The following NEK10 variants were observed in gnomAD, a reference collection of about 807,000 sequenced individuals.
NEK10 encodes the protein NIMA related kinase 10, also known as serine/threonine-protein kinase Nek10.
Under a neutral mutation model 159.8 loss-of-function variants are expected in NEK10, and 122 were observed. The observed-to-expected ratio is 0.76, with a 90% CI of 0.66 to 0.89. NEK10 has a LOEUF of 0.89. NEK10 is among the 40% of genes least tolerant of loss of function. The pLI, the probability that NEK10 is intolerant of heterozygous loss-of-function variation, is 0.00. For synonymous variants in NEK10, 466 were observed against 457.1 expected, an observed-to-expected ratio of 1.02 and a Z score of -0.25; for missense variants, 1,342 against 1,323.1, an observed-to-expected ratio of 1.01 and a Z score of -0.22.
rs571101054 is a variant in NEK10, at chr3:27,299,185, T to C, written c.1169-1945A>G. Among the ~76,000 whole-genome samples, 314 of 152,294 alleles carry C rather than the reference T, an allele frequency of 2.1e-3. 2 individuals carry two copies. Among genetic ancestry groups the C allele is most frequent in the Non-Finnish European group, 3.8e-3 (258 of 68,020 alleles). On this transcript the variant is annotated intron_variant, in intron 13 of 35. Coordinates refer to ENST00000691995, the MANE Select transcript of NEK10 (RefSeq NM_001394966.1). Reference sequence around the variant, plus strand: ...CAGAGGGAAAAACGGTTTCATGGACTGGACCCAGGGTCCCTCTGCTGTGCG... The same window carrying C: ...CAGAGGGAAAAACGGTTTCATGGACCGGACCCAGGGTCCCTCTGCTGTGCG...
At chr3:27,220,063 G>C (rs113315440) in intron 23 of NEK10, among the ~76,000 whole-genome samples, 36 of 152,160 alleles carry the variant, frequency 2.4e-4, no homozygotes, top group African/African-American at 8.7e-4. Context: ...ATTGAAAAAA[G>C]TTTTTTAAAA....
At chr3:27,253,542 A>G (rs933156041) in intron 23 of NEK10, among the ~76,000 whole-genome samples, 3 of 152,228 alleles carry the variant, frequency 2.0e-5, no homozygotes, top group Non-Finnish European at 4.4e-5. Flanking sequence ...CGGTCCAGCA[A>G]TGTGCCCACA....
chr3:27,365,035 C>A (rs1037164874), intron 1 of NEK10, among the ~76,000 whole-genome samples: 5 of 152,220 alleles, frequency 3.3e-5, no homozygotes, highest in African/African-American at 1.2e-4. Flanking sequence ...CCAGGCAGAA[C>A]CCTTCCTGTT....
Position 27,237,807 on chromosome 3 carries a change from T to C in NEK10, c.2090+18489A>G, listed in dbSNP as rs147020052. Among the ~76,000 whole-genome samples the C allele has an allele frequency of 4.5e-3, 680 of 152,248 alleles. 2 individuals carry two copies. Among genetic ancestry groups the C allele is most frequent in the African/African-American group, 0.015 (625 of 41,548 alleles). Reference sequence around the variant, plus strand: ...AAAACCACCTGTACCCCAAAAACTATTGAAATTTTTTAACAGTAAAGAAAA... The same window carrying C: ...AAAACCACCTGTACCCCAAAAACTACTGAAATTTTTTAACAGTAAAGAAAA... On this transcript the variant is annotated intron_variant, in intron 23 of 35. Transcript: ENST00000691995.
At chr3:27,118,398 A>G (rs1940800112) in intron 33 of NEK10, among the ~76,000 whole-genome samples, 1 of 152,256 alleles carries the variant, frequency 6.6e-6, no homozygotes, top group South Asian at 2.1e-4. Context: ...ACCAATCAAC[A>G]CTGACATGTA....
chr3:27,166,622 T>C (rs889660647), intron 29 of NEK10, among the ~76,000 whole-genome samples: 13 of 152,192 alleles, frequency 8.5e-5, no homozygotes, highest in African/African-American at 3.1e-4. Flanking sequence ...GTCACAAATA[T>C]GAAGCTGAAT....
At chr3:27,155,826 T>C (rs1340490630) in intron 30 of NEK10, among the ~76,000 whole-genome samples, 1 of 152,130 alleles carries the variant, frequency 6.6e-6, no homozygotes, top group Non-Finnish European at 1.5e-5. Flanking sequence ...GGAGTCTGCA[T>C]AGCCAAATCA....
At chr3:27,353,138 G>C (rs375223642) in intron 1 of NEK10, among the ~76,000 whole-genome samples, 1 of 152,152 alleles carries the variant, frequency 6.6e-6, no homozygotes, top group African/African-American at 2.4e-5. Flanking sequence ...TCACTCAAAA[G>C]ATAAGTATGG....
intron 25 of NEK10, chr3:27,194,744 T>G (rs1243161823): frequency 1.3e-5 from 2 of 152,232 alleles, no homozygotes; most frequent in African/African-American, 4.8e-5. Flanking sequence ...ACCAGGCAGC[T>G]TATGCAACCA....
intron 1 of NEK10, among the ~76,000 whole-genome samples, chr3:27,368,002 G>C (rs1047552591): frequency 6.6e-6 from 1 of 152,110 alleles, no homozygotes; most frequent in Non-Finnish European, 1.5e-5. Flanking sequence ...GTTTTAAAAA[G>C]ATCAGTTTAG....
intron 23 of NEK10, among the ~76,000 whole-genome samples, chr3:27,208,258 A>G (rs1276878471): frequency 6.6e-6 from 1 of 152,236 alleles, no homozygotes; most frequent in African/African-American, 2.4e-5. Context: ...AGTGAGCAAC[A>G]TAATATTCAG....
chr3:27,353,001 TATAAC>T, intron 1 of NEK10, 82 bp from the exon 2 acceptor site: 2 of 639,120 alleles, frequency 3.1e-6, no homozygotes, highest in Non-Finnish European at 5.5e-6. Flanking sequence ...AAAACCCACT[TATAAC>T]ATCTATTTAA....
chr3:27,117,759 T>C (rs1025042133), intron 33 of NEK10, among the ~76,000 whole-genome samples: 2 of 152,190 alleles, frequency 1.3e-5, no homozygotes, highest in African/African-American at 4.8e-5. Context: ...AAAAATTTTC[T>C]CTTTCTGTAG....
intron 15 of NEK10, among the ~76,000 whole-genome samples, chr3:27,295,095 C>A (rs537901109): frequency 6.6e-6 from 1 of 152,154 alleles, no homozygotes; most frequent in Non-Finnish European, 1.5e-5. Flanking sequence ...CACTGGCCCC[C>A]ACAACCACAC....
At chr3:27,261,829 C>T (rs6804651) in intron 22 of NEK10, among the ~76,000 whole-genome samples, 2 of 151,920 alleles carry the variant, frequency 1.3e-5, no homozygotes, top group East Asian at 1.9e-4. Flanking sequence ...GGGGTGTTAA[C>T]GTCTCCCACT....
At chr3:27,162,824 T>C in intron 29 of NEK10, 86 bp from the exon 30 acceptor site, 5 of 1,558,614 alleles carry the variant, frequency 3.2e-6, no homozygotes, top group Non-Finnish European at 4.4e-6. Flanking sequence ...ATGGTCTACA[T>C]TATAAAGATT....
In NEK10 at chr3:27,284,724, A is replaced by G. The variant is rs1324057720; in HGVS notation, c.1912-20T>C. Reference sequence around the variant, plus strand: ...GCACAGCTTGAAACAATGAATAGAAAACAAATTTTATTTCCCCCAACATAC... The same window carrying G: ...GCACAGCTTGAAACAATGAATAGAAGACAAATTTTATTTCCCCCAACATAC... On this transcript the variant is annotated intron_variant, in intron 21 of 35. Transcript: ENST00000691995. 6.4e-7 allele frequency: 1 copy of G among 1,572,708 alleles called. No homozygotes were observed. The highest frequency in any genetic ancestry group is 2.2e-5 in the East Asian group (1 of 44,660).
Position 27,314,356 on chromosome 3 carries a change from A to T in NEK10, c.448-18T>A. ...AGTATTTCCTAATAAAATAAAAGCA[A>T]CAAAACACATGTAAATGATGAGGGT... On this transcript the variant is annotated intron_variant, in intron 6 of 35. Coordinates refer to ENST00000691995, the MANE Select transcript of NEK10 (RefSeq NM_001394966.1). 1 of 1,545,608 alleles carries T rather than the reference A, an allele frequency of 6.5e-7. No individual in the cohort carries two copies. The highest frequency in any genetic ancestry group is 8.9e-7 in the Non-Finnish European group (1 of 1,124,204).
chr3:27,349,533 C>A (rs542375082), intron 3 of NEK10, among the ~76,000 whole-genome samples: 1 of 152,262 alleles, frequency 6.6e-6, no homozygotes, highest in East Asian at 1.9e-4. Context: ...ATGCCTTATA[C>A]GTGTTCTTTC....
Sources: gnomAD v4.1 joint callset for allele counts (sites outside exome capture counted in the v4.1 genomes callset) on GRCh38, gnomAD v4.1.1 for gene constraint, MANE v1.5 for transcripts, NCBI Gene and HGNC (gene_info 2026-07-23, HGNC 2026-07-21) for gene names.